ZNF143: variants seen among roughly 807,000 people sequenced by gnomAD.
ZNF143 encodes zinc finger protein 143.
A neutral mutation model predicts 74.1 loss-of-function variants in ZNF143; 49 were observed. That is an observed-to-expected ratio of 0.66 (90% CI 0.53 to 0.84). ZNF143 has a LOEUF of 0.84. Ranked by LOEUF, ZNF143 falls within the 40% of genes least tolerant of loss-of-function variation. The pLI is 0.00. For missense variants in ZNF143, 637 were observed against 793.4 expected, an observed-to-expected ratio of 0.80 and a Z score of 2.37; for synonymous variants, 304 against 282.8, an observed-to-expected ratio of 1.07 and a Z score of -0.75.
At position 9,509,045 on chromosome 11, in the gene ZNF143, G is replaced by T. The variant is rs1848455108; in HGVS notation, c.1375+199G>T. On this transcript the variant is annotated intron_variant, in intron 12 of 15. Transcript: ENST00000396602. ...TGTATAGAAGGGAATGTTAGTTTGG[G>T]AGGTCAAGGAAGGGATTTTTGGAGA... Among the ~76,000 whole-genome samples the T allele has an allele frequency of 3.3e-5, 5 of 152,324 alleles. No homozygotes were observed. In the South Asian group the frequency reaches 1.0e-3, roughly 32 times the overall value.
chr11:9,475,105 C>T (rs562620492), intron 5 of ZNF143, among the ~76,000 whole-genome samples: 3 of 152,288 alleles, frequency 2.0e-5, no homozygotes, highest in African/African-American at 4.8e-5. Flanking sequence ...AGGCTAATCT[C>T]AAACTCCTGG....
intron 1 of ZNF143, 64 bp downstream of exon 1, chr11:9,461,140 G>C (rs1309781001): frequency 3.1e-6 from 3 of 963,426 alleles, no homozygotes; most frequent in South Asian, 9.6e-5. Flanking sequence ...CGCCCTCAGC[G>C]CGGCGGCGCG....
At chr11:9,472,293 C>T (rs919044629) in intron 2 of ZNF143, among the ~76,000 whole-genome samples, 2 of 152,068 alleles carry the variant, frequency 1.3e-5, no homozygotes, top group African/African-American at 4.8e-5. Context: ...GGCTCTGTCG[C>T]CCAGGCTGGA....
chr11:9,473,342 G>T (rs914368563), intron 3 of ZNF143, among the ~76,000 whole-genome samples: 3 of 147,280 alleles, frequency 2.0e-5, no homozygotes, highest in African/African-American at 5.0e-5. Flanking sequence ...AGTGAGCCGA[G>T]ATCACGCCAT....
intron 10 of ZNF143, among the ~76,000 whole-genome samples, chr11:9,499,551 A>G (rs1168442254): frequency 6.6e-6 from 1 of 152,194 alleles, no homozygotes; most frequent in East Asian, 1.9e-4. Flanking sequence ...AAGAAAAACA[A>G]CAAACTAGCC....
chr11:9,486,363 T>A (rs10840248), intron 7 of ZNF143, among the ~76,000 whole-genome samples: 14,892 of 40,198 alleles, frequency 0.37, 3,468 homozygotes, highest in Non-Finnish European at 0.43. Context: ...TATATATATA[T>A]TATATATAAT....
In ZNF143 at chr11:9,512,580, A is replaced by T. The variant is rs1395199725; in HGVS notation, c.1508A>T (p.Gln503Leu). The T allele has an allele frequency of 1.9e-6, 3 of 1,614,132 alleles. No homozygotes were observed. The highest frequency in any genetic ancestry group is 2.5e-6 in the Non-Finnish European group (3 of 1,180,052). Reference protein sequence around the residue: ...GLSQQVTLISQDGTQHVNISQ... With the variant: ...GLSQQVTLISLDGTQHVNISQ... ...AGTCAACAAGTTACACTCATATCCC[A>T]GGATGGGACTCAGCATGTAAGTATC... is the stretch of plus-strand genomic sequence containing the variant. The change falls in exon 13 of 16, where the codon CAG (glutamine) becomes CTG (leucine). Residue 503 changes from glutamine to leucine, a missense_variant. Around this residue, in one of 2 missense-constraint regions of ZNF143, gnomAD observed 344 missense variants for 485.6 expected, o/e 0.71. Coordinates refer to ENST00000396602, the MANE Select transcript of ZNF143 (RefSeq NM_003442.6).
chr11:9,513,292 G>C (rs1235414797), intron 13 of ZNF143, among the ~76,000 whole-genome samples: 1 of 152,132 alleles, frequency 6.6e-6, no homozygotes, highest in Non-Finnish European at 1.5e-5. Flanking sequence ...TGATTAATAT[G>C]CTCTGTTTTG....
At chr11:9,521,052 T>C (rs1035515668) in intron 14 of ZNF143, among the ~76,000 whole-genome samples, 1 of 152,182 alleles carries the variant, frequency 6.6e-6, no homozygotes, top group African/African-American at 2.4e-5. Context: ...AGACTTCCCT[T>C]ACACTCCCTG....
At chr11:9,477,176 C>CCCTTCCCTCCTT (rs1856972337) in intron 5 of ZNF143, among the ~76,000 whole-genome samples, 1 of 119,346 alleles carries the variant, frequency 8.4e-6, no homozygotes, top group Non-Finnish European at 1.8e-5. Context: ...CCTTCCTCCT[C>CCCTTCCCTCCTT]TCCCTTCCCT....
chr11:9,462,288 G>T (rs1476448000), intron 1 of ZNF143, among the ~76,000 whole-genome samples: 1 of 148,336 alleles, frequency 6.7e-6, no homozygotes, highest in Non-Finnish European at 1.5e-5. Context: ...ACAGATGCCC[G>T]CCTTTATTTT....
intron 13 of ZNF143, among the ~76,000 whole-genome samples, chr11:9,513,300 T>G (rs1312134913): frequency 6.6e-6 from 1 of 152,234 alleles, no homozygotes; most frequent in Non-Finnish European, 1.5e-5. Flanking sequence ...ATGCTCTGTT[T>G]TGATACTCAG....
intron 11 of ZNF143, among the ~76,000 whole-genome samples, chr11:9,506,916 G>T (rs1263937168): frequency 6.6e-6 from 1 of 152,012 alleles, no homozygotes; most frequent in Non-Finnish European, 1.5e-5. Flanking sequence ...TTCGCCTCTT[G>T]GCTGTGGTTT....
intron 15 of ZNF143, among the ~76,000 whole-genome samples, chr11:9,527,198 C>T (rs556153808): frequency 6.6e-6 from 1 of 152,300 alleles, no homozygotes; most frequent in African/African-American, 2.4e-5. Context: ...TCTCGAACTC[C>T]TGGGCTCAAG....
Position 9,497,809 on chromosome 11 carries a change from G to A in ZNF143, c.967+9G>A, listed in dbSNP as rs781131195. On this transcript the variant is annotated intron_variant, in intron 10 of 15. Coordinates refer to ENST00000396602, the MANE Select transcript of ZNF143 (RefSeq NM_003442.6). Reference sequence around the variant, plus strand: ...CATCAGAACTCATACAGGTACTAGTGGAAACAGAGTGTCAAAATCTTTTTT... The same window carrying A: ...CATCAGAACTCATACAGGTACTAGTAGAAACAGAGTGTCAAAATCTTTTTT... 2.6e-6 allele frequency: 4 copies of A among 1,546,290 alleles called. No individual in the cohort carries two copies. In the East Asian group the frequency reaches 9.2e-5, roughly 35 times the overall value.
In ZNF143 at chr11:9,512,609, C is replaced by T; in HGVS notation, c.1524+13C>T. On this transcript the variant is annotated intron_variant, in intron 13 of 15. Transcript: ENST00000396602. Reference sequence around the variant, plus strand: ...TGGGACTCAGCATGTAAGTATCCACCAAAAGCCAAACAAATTAAATCTTTC... The same window carrying T: ...TGGGACTCAGCATGTAAGTATCCACTAAAAGCCAAACAAATTAAATCTTTC... 1 of 1,612,740 alleles carries T rather than the reference C, an allele frequency of 6.2e-7. No individual in the cohort carries two copies. The highest frequency in any genetic ancestry group is 8.5e-7 in the Non-Finnish European group (1 of 1,178,910).
chr11:9,508,731 C>A lies in ZNF143; in HGVS notation c.1260C>A (p.Asn420Lys). 6.2e-7 allele frequency: 1 copy of A among 1,613,878 alleles called. No individual in the cohort carries two copies. The highest frequency in any genetic ancestry group is 8.5e-7 in the Non-Finnish European group (1 of 1,179,964). Residue 420 changes from asparagine (N) to lysine (K), a missense_variant, in exon 12 of 16, where the codon AAC (asparagine) becomes AAA (lysine). Around this residue, in one of 2 missense-constraint regions of ZNF143, gnomAD observed 344 missense variants for 485.6 expected, o/e 0.71. Transcript: ENST00000396602. ...CTCATTCCAAACCTTACAACTGTAACCACTGTGGGAAGACATACAAGCAGA... is the reference window on the plus strand; with the variant it reads ...CTCATTCCAAACCTTACAACTGTAAACACTGTGGGAAGACATACAAGCAGA... ...VHTHSKPYNC[N>K]HCGKTYKQIS...
At position 9,503,778 on chromosome 11, in the gene ZNF143, A is replaced by G. The variant is rs145617210; in HGVS notation, c.1147+2508A>G. ...TGATTGATCCTGTTTCAGCCTCCTGAGTAGCTGGGACTACAGGTGTGTGCC... is the reference window on the plus strand; with the variant it reads ...TGATTGATCCTGTTTCAGCCTCCTGGGTAGCTGGGACTACAGGTGTGTGCC... On this transcript the variant is annotated intron_variant, in intron 11 of 15. Transcript: ENST00000396602. Among the ~76,000 whole-genome samples, 538 of 151,366 alleles carry G rather than the reference A, an allele frequency of 3.6e-3. 3 individuals carry two copies. The highest frequency in any genetic ancestry group is 0.012 in the African/African-American group (501 of 41,200).
chr11:9,466,979 T>C (rs1348044670), intron 1 of ZNF143, among the ~76,000 whole-genome samples: 6 of 148,476 alleles, frequency 4.0e-5, no homozygotes. Flanking sequence ...CTGCAAGCTC[T>C]GCCTCCCGGG....
Sources: gnomAD v4.1 joint callset for allele counts (sites outside exome capture counted in the v4.1 genomes callset) on GRCh38, gnomAD v4.1.1 for gene constraint, gnomAD v4.1.1 regional missense constraint, MANE v1.5 for transcripts, NCBI Gene and HGNC (gene_info 2026-07-23, HGNC 2026-07-21) for gene names.